The following GJB7 variants were observed in gnomAD, a reference collection of about 807,000 sequenced individuals.
The protein encoded by GJB7 is gap junction protein beta 7.
For missense variants in GJB7, 253 were observed against 256.8 expected (o/e 0.99, Z 0.10); for synonymous variants, 87 against 95.2 (o/e 0.91, Z 0.50).
intron 2 of GJB7, among the ~76,000 whole-genome samples, chr6:87,318,110 C>T (rs571721012): frequency 1.5e-5 from 2 of 135,504 alleles, no homozygotes; most frequent in African/African-American, 5.3e-5. Flanking sequence ...AATATCAGTT[C>T]CCCATTCTAT....
Position 87,283,504 on chromosome 6 carries a change from C to G in GJB7, c.*737G>C, listed in dbSNP as rs1456414764. 1 of 152,222 alleles carries G rather than the reference C, an allele frequency of 6.6e-6. No individual in the cohort carries two copies. Among genetic ancestry groups the G allele is most frequent in the Admixed American group, 6.5e-5 (1 of 15,278 alleles). 9.4% of individuals were successfully genotyped at this position (152,222 alleles called of 1,614,324 possible). A position where few individuals can be genotyped will look rare whatever the true frequency, so the allele number is the denominator to read the frequency against. ...GGAGACCACTGAAATGATAGCTTTCCTCCCTCTCCTCTAATCCACTTATAT... is the reference window on the plus strand; with the variant it reads ...GGAGACCACTGAAATGATAGCTTTCGTCCCTCTCCTCTAATCCACTTATAT... On this transcript the variant is annotated 3_prime_UTR_variant, in exon 3 of 3. Transcript: ENST00000525899.
At chr6:87,306,036 T>C (rs1776421651) in intron 2 of GJB7, among the ~76,000 whole-genome samples, 1 of 151,796 alleles carries the variant, frequency 6.6e-6, no homozygotes, top group African/African-American at 2.4e-5. Flanking sequence ...TCAAGATGGA[T>C]TAAAGACTTA....
intron 1 of GJB7, among the ~76,000 whole-genome samples, chr6:87,328,836 C>T (rs1472890808): frequency 6.6e-6 from 1 of 152,132 alleles, no homozygotes; most frequent in Non-Finnish European, 1.5e-5. Flanking sequence ...CAATGGCGGG[C>T]GCCCCTCCCC....
In GJB7 at chr6:87,293,588, T is replaced by C. The variant is rs1776210580; in HGVS notation, c.-27-8649A>G. Among the ~76,000 whole-genome samples, 3 of 152,272 alleles carry C rather than the reference T, an allele frequency of 2.0e-5. No individual in the cohort carries two copies. In the South Asian group the frequency reaches 6.2e-4, roughly 32 times the overall value. On this transcript the variant is annotated intron_variant, in intron 2 of 2. Coordinates refer to ENST00000525899, the MANE Select transcript of GJB7 (RefSeq NM_198568.3). ...ATTGTTTGTCCCTTTCAGTTTCCAC[T>C]CCTTTGTTTATTACTGGCACTCACC...
chr6:87,314,554 T>C lies in GJB7; in HGVS notation c.-28+8312A>G, dbSNP rs375743142. ...AGAAGCTACGGAATTTTTTAGGACATGGATAGAGGCTGTAGGCCCATCCTG... is the reference window on the plus strand; with the variant it reads ...AGAAGCTACGGAATTTTTTAGGACACGGATAGAGGCTGTAGGCCCATCCTG... On this transcript the variant is annotated intron_variant, in intron 2 of 2. Transcript: ENST00000525899. 2.2e-3 allele frequency among the ~76,000 whole-genome samples: 337 copies of C among 152,324 alleles called. 1 individual carries two copies. Among genetic ancestry groups the C allele is most frequent in the African/African-American group, 7.8e-3 (325 of 41,568 alleles).
At chr6:87,301,544 G>A (rs754452768) in intron 2 of GJB7, among the ~76,000 whole-genome samples, 2 of 152,208 alleles carry the variant, frequency 1.3e-5, no homozygotes, top group Non-Finnish European at 2.9e-5. Context: ...GCTCTATCTG[G>A]GTGGAGCCCA....
chr6:87,309,581 C>A lies in GJB7; in HGVS notation c.-28+13285G>T, dbSNP rs527302388. Among the ~76,000 whole-genome samples, 10 of 152,192 alleles carry A rather than the reference C, an allele frequency of 6.6e-5. No individual in the cohort carries two copies. In the East Asian group the frequency reaches 1.7e-3, roughly 26 times the overall value. On this transcript the variant is annotated intron_variant, in intron 2 of 2. Coordinates refer to ENST00000525899, the MANE Select transcript of GJB7 (RefSeq NM_198568.3). ...CAACCTACCCCAAAGGCCAAGGGAGCTGAAAGGCTGAAGGAAGAGGCTGAC... is the reference window on the plus strand; with the variant it reads ...CAACCTACCCCAAAGGCCAAGGGAGATGAAAGGCTGAAGGAAGAGGCTGAC...
intron 2 of GJB7, among the ~76,000 whole-genome samples, chr6:87,307,808 G>C (rs915594535): frequency 6.6e-6 from 1 of 152,190 alleles, no homozygotes; most frequent in East Asian, 1.9e-4. Flanking sequence ...CACTGTGGAA[G>C]ACAGTGTGGC....
rs1776486307 is a variant in GJB7, at chr6:87,309,485, A to C, written c.-28+13381T>G. On this transcript the variant is annotated intron_variant, in intron 2 of 2. Transcript: ENST00000525899. The stretch of plus-strand genomic sequence containing the variant: ...GTTCAACCAGCTCCCACAATTGCAC[A>C]GTCCAATTCTCTGAAAGCTCAGAAA... Among the ~76,000 whole-genome samples, 3 of 152,326 alleles carry C rather than the reference A, an allele frequency of 2.0e-5. No homozygotes were observed. The South Asian group carries it at 6.2e-4, about 32-fold the overall frequency.
chr6:87,300,182 C>A, intron 2 of GJB7: 1 of 217,050 alleles, frequency 4.6e-6, no homozygotes, highest in Non-Finnish European at 9.5e-6. Context: ...AAAAATCCTG[C>A]AGTGACTATT....
At chr6:87,295,030 A>G (rs1776230523) in intron 2 of GJB7, among the ~76,000 whole-genome samples, 1 of 152,190 alleles carries the variant, frequency 6.6e-6, no homozygotes, top group Admixed American at 6.5e-5. Context: ...ATAATGGTTA[A>G]ATGAAACAAC....
chr6:87,324,121 C>G (rs148282876), intron 1 of GJB7, among the ~76,000 whole-genome samples: 10,294 of 150,906 alleles, frequency 0.068, 737 homozygotes, highest in African/African-American at 0.18. Flanking sequence ...TGATGGGGTT[C>G]TTTGTTTTTG....
intron 2 of GJB7, among the ~76,000 whole-genome samples, chr6:87,308,817 AT>A (rs1347351767): frequency 1.3e-5 from 2 of 152,168 alleles, no homozygotes; most frequent in African/African-American, 4.8e-5. Flanking sequence ...ATAAAAAAAA[AT>A]GCATGACTTT....
intron 2 of GJB7, among the ~76,000 whole-genome samples, chr6:87,314,938 A>G (rs1776559949): frequency 6.6e-6 from 1 of 152,184 alleles, no homozygotes; most frequent in South Asian, 2.1e-4. Flanking sequence ...GATGTCAGGA[A>G]ATAATAAACT....
intron 2 of GJB7, among the ~76,000 whole-genome samples, chr6:87,303,683 C>T (rs1776373689): frequency 6.6e-6 from 1 of 152,222 alleles, no homozygotes; most frequent in African/African-American, 2.4e-5. Context: ...ACCTAATAGA[C>T]ATCTACAGAA....
At chr6:87,313,250 C>T (rs1213574915) in intron 2 of GJB7, among the ~76,000 whole-genome samples, 2 of 152,010 alleles carry the variant, frequency 1.3e-5, no homozygotes, top group Non-Finnish European at 2.9e-5. Flanking sequence ...AAAAGATAGA[C>T]AAAAATAAAA....
At chr6:87,318,679 G>A (rs1266740762) in intron 2 of GJB7, among the ~76,000 whole-genome samples, 3 of 152,172 alleles carry the variant, frequency 2.0e-5, no homozygotes, top group Admixed American at 6.5e-5. Flanking sequence ...GTCAGAGTGG[G>A]AGAGCATGGA....
intron 2 of GJB7, among the ~76,000 whole-genome samples, chr6:87,307,924 C>T (rs1209746593): frequency 2.0e-5 from 3 of 152,164 alleles, no homozygotes; most frequent in Non-Finnish European, 2.9e-5. Flanking sequence ...GACACAGGCA[C>T]ACGTATGTTT....
chr6:87,295,312 G>A (rs778670342), intron 2 of GJB7, among the ~76,000 whole-genome samples: 2 of 152,174 alleles, frequency 1.3e-5, no homozygotes, highest in Non-Finnish European at 2.9e-5. Context: ...AGTTATACCA[G>A]TAGTAGGAGA....
Sources: allele counts gnomAD v4.1 joint callset (sites outside exome capture counted in the v4.1 genomes callset), GRCh38; gene constraint gnomAD v4.1.1; transcripts MANE v1.5; gene names NCBI Gene and HGNC (gene_info 2026-07-23, HGNC 2026-07-21).